Variants in ACADS observed in about 807,000 individuals in gnomAD.
The protein encoded by ACADS is short-chain specific acyl-CoA dehydrogenase, mitochondrial.
ACADS carries 28 observed loss-of-function variants against 46.8 expected under a neutral mutation model. The ratio of observed to expected loss-of-function variants is 0.60; its 90% CI spans 0.44 to 0.82. The LOEUF is 0.82. Among genes scored for constraint, ACADS ranks in the 40% least tolerant of loss-of-function variants. The probability of loss-of-function intolerance (pLI) is 0.00; values close to 1 mark genes in which losing one functional copy is unlikely to be tolerated. For missense variants in ACADS, 528 were observed against 578.0 expected, an observed-to-expected ratio of 0.91 and a Z score of 0.89; for synonymous variants, 236 against 237.7, an observed-to-expected ratio of 0.99 and a Z score of 0.07.
Position 120,730,600 on chromosome 12 carries a change from A to G in ACADS, c.210+3411A>G, listed in dbSNP as rs1883218197. On this transcript the variant is annotated intron_variant, in intron 2 of 9. Transcript: ENST00000242592. ...CACCCTCATTCTGCTACCTGTCGGG[A>G]CGTGTGACCAAGCATTTTAGGTGAG... Among the ~76,000 whole-genome samples, 3 of 152,232 alleles carry G rather than the reference A, an allele frequency of 2.0e-5. No homozygotes were observed. In the South Asian group the frequency reaches 6.2e-4, roughly 32 times the overall value.
At position 120,738,629 on chromosome 12, in the gene ACADS, A is replaced by G; in HGVS notation, c.892A>G (p.Met298Val). 6.2e-7 allele frequency: 1 copy of G among 1,613,108 alleles called. No individual in the cohort carries two copies. Among genetic ancestry groups the G allele is most frequent in the Non-Finnish European group, 8.5e-7 (1 of 1,180,016 alleles). ...TGCTGTGAACTACGCTGAGAATCGC[A>G]TGGCCTTCGGGGCGCCCCTCACCAA... is the stretch of plus-strand genomic sequence containing the variant. The part of the protein sequence containing the change: ...DCAVNYAENR[M>V]AFGAPLTKLQ... Residue 298 changes from methionine to valine, a missense_variant, in exon 7 of 10, where the codon ATG becomes GTG. Transcript: ENST00000242592.
At position 120,728,651 on chromosome 12, in the gene ACADS, C is replaced by G. The variant is rs912792295; in HGVS notation, c.210+1462C>G. Reference sequence around the variant, plus strand: ...CCTCCCGAGTAGCTGGGATTACAGGCGCACACCACCATACCCGGCTAATTT... The same window carrying G: ...CCTCCCGAGTAGCTGGGATTACAGGGGCACACCACCATACCCGGCTAATTT... On this transcript the variant is annotated intron_variant, in intron 2 of 9. Coordinates refer to ENST00000242592, the MANE Select transcript of ACADS (RefSeq NM_000017.4). This position sits in a 1 kb window ranked among gnomAD's most constrained non-coding sequence, Gnocchi z 4.0. Among the ~76,000 whole-genome samples, 2 of 151,690 alleles carry G rather than the reference C, an allele frequency of 1.3e-5. No homozygotes were observed. Among genetic ancestry groups the G allele is most frequent in the Admixed American group, 1.3e-4 (2 of 15,214 alleles).
chr12:120,737,351 C>T lies in ACADS; in HGVS notation c.361-5C>T. The T allele has an allele frequency of 6.2e-7, 1 of 1,613,566 alleles. No homozygotes were observed. The highest frequency in any genetic ancestry group is 8.5e-7 in the Non-Finnish European group (1 of 1,179,798). ...GCCTCCGACCGCTCCCCGCTGTCCTCCTAGTCTCTCTACCTGGGGCCCATC... is the reference window on the plus strand; with the variant it reads ...GCCTCCGACCGCTCCCCGCTGTCCTTCTAGTCTCTCTACCTGGGGCCCATC... On this transcript the variant is annotated splice_region_variant and splice_polypyrimidine_tract_variant and intron_variant, in intron 3 of 9. Coordinates refer to ENST00000242592, the MANE Select transcript of ACADS (RefSeq NM_000017.4).
At position 120,727,119 on chromosome 12, in the gene ACADS, A is replaced by G. The variant is rs779545943; in HGVS notation, c.140A>G (p.Asp47Gly). 2 of 1,614,114 alleles carry G rather than the reference A, an allele frequency of 1.2e-6. No homozygotes were observed. The highest frequency in any genetic ancestry group is 1.3e-5 in the African/African-American group (1 of 75,034). Reference sequence around the variant, plus strand: ...CAGATGTTGCTCCAGACATGCCGGGACTTTGCCGAGAAGGAGTTGTTTCCC... The same window carrying G: ...CAGATGTTGCTCCAGACATGCCGGGGCTTTGCCGAGAAGGAGTTGTTTCCC... ...THQMLLQTCR[D>G]FAEKELFPIA... Residue 47 changes from aspartate (D) to glycine (G), a missense_variant, in exon 2 of 10, where the codon GAC (aspartate) becomes GGC (glycine). Physicochemically the swap from Asp to Gly is moderately conservative, Grantham distance 94. Coordinates refer to ENST00000242592, the MANE Select transcript of ACADS (RefSeq NM_000017.4).
intron 8 of ACADS, 21 bp downstream of exon 8, chr12:120,738,936 G>A: frequency 1.2e-6 from 2 of 1,612,900 alleles, no homozygotes; most frequent in Non-Finnish European, 1.7e-6. Flanking sequence ...GGGTCCCCGA[G>A]CCATGGCCCA....
At chr12:120,737,809 G>A in intron 4 of ACADS, 28 bp from the exon 5 acceptor site, 1 of 1,613,540 alleles carries the variant, frequency 6.2e-7, no homozygotes. Flanking sequence ...GGTGGGGCGT[G>A]CGCTGAGCCC....
intron 8 of ACADS, 53 bp downstream of exon 8, chr12:120,738,968 G>C: frequency 6.2e-7 from 1 of 1,607,196 alleles, no homozygotes; most frequent in Non-Finnish European, 8.5e-7. Context: ...GCCCAGGGAC[G>C]GGGAGAGGTT....
In ACADS at chr12:120,728,484, T is replaced by TA. The variant is rs397726831; in HGVS notation, c.210+1297dup. On this transcript the variant is annotated intron_variant, in intron 2 of 9. Transcript: ENST00000242592. The surrounding 1 kb of genome is among the most constrained non-coding windows in gnomAD (Gnocchi z 4.0). ...TCTTCTCCTTGCCTGTTTTTTTTTT[T>TA]AATTTTAATTTTAATTTATTTTTTA... is the stretch of plus-strand genomic sequence containing the variant. Among the ~76,000 whole-genome samples, 1 of 150,612 alleles carries TA rather than the reference T, an allele frequency of 6.6e-6. No homozygotes were observed. Among genetic ancestry groups the TA allele is most frequent in the Non-Finnish European group, 1.5e-5 (1 of 67,706 alleles).
At chr12:120,739,254 C>A (rs769675520) in intron 9 of ACADS, 42 bp from the exon 10 acceptor site, 2 of 1,612,946 alleles carry the variant, frequency 1.2e-6, no homozygotes, top group Non-Finnish European at 1.7e-6. Flanking sequence ...GCTTTCCCCA[C>A]GCCGGGGTCT....
At chr12:120,733,929 A>G (rs1031787160) in intron 2 of ACADS, among the ~76,000 whole-genome samples, 2 of 151,972 alleles carry the variant, frequency 1.3e-5, no homozygotes, top group Non-Finnish European at 2.9e-5. Context: ...GAGTTACTCA[A>G]CCCGAGTCAG....
At chr12:120,732,427 G>A (rs1883280209) in intron 2 of ACADS, among the ~76,000 whole-genome samples, 1 of 151,420 alleles carries the variant, frequency 6.6e-6, no homozygotes, top group South Asian at 2.1e-4. Context: ...TCACTTCTCA[G>A]ACGGGGTGGC....
In ACADS at chr12:120,728,762, C is replaced by T. The variant is rs746060863; in HGVS notation, c.210+1573C>T. 4.0e-5 allele frequency among the ~76,000 whole-genome samples: 6 copies of T among 151,714 alleles called. No homozygotes were observed. The highest frequency in any genetic ancestry group is 8.8e-5 in the Non-Finnish European group (6 of 67,928). On this transcript the variant is annotated intron_variant, in intron 2 of 9. Transcript: ENST00000242592. This position sits in a 1 kb window ranked among gnomAD's most constrained non-coding sequence, Gnocchi z 4.0. ...GCTCAGGCAATCCACCCGCCTCGGC[C>T]TCGCAAAGTGCTGGGATTACAGGCG...
chr12:120,731,547 T>G (rs1883247687), intron 2 of ACADS, among the ~76,000 whole-genome samples: 1 of 151,584 alleles, frequency 6.6e-6, no homozygotes, highest in Admixed American at 6.6e-5. Context: ...CTCCACCTCC[T>G]GGGTACAAAT....
In ACADS at chr12:120,736,997, G is replaced by C; in HGVS notation, c.222G>C (p.Met74Ile). ...HLFPAAQVKKMGGLGLLAMDV... is the reference protein window; with the variant it reads ...HLFPAAQVKKIGGLGLLAMDV... ...TTCCCTGTGCCCAGGTGAAGAAGAT[G>C]GGCGGGCTTGGGCTTCTGGCCATGG... is the stretch of plus-strand genomic sequence containing the variant. The change falls in exon 3 of 10, where the codon ATG (methionine) becomes ATC (isoleucine). Residue 74 changes from methionine (M) to isoleucine (I), a missense_variant. Transcript: ENST00000242592. 1 of 1,608,926 alleles carries C rather than the reference G, an allele frequency of 6.2e-7. No homozygotes were observed. The highest frequency in any genetic ancestry group is 8.5e-7 in the Non-Finnish European group (1 of 1,178,186).
At chr12:120,726,616 G>A (rs1037637469) in intron 1 of ACADS, among the ~76,000 whole-genome samples, 4 of 152,210 alleles carry the variant, frequency 2.6e-5, no homozygotes, top group Admixed American at 6.5e-5. Context: ...TTATAGAAAC[G>A]GAGGCTCACT....
intron 1 of ACADS, 66 bp downstream of exon 1, chr12:120,725,997 T>C: frequency 6.9e-7 from 1 of 1,455,240 alleles, no homozygotes; most frequent in Non-Finnish European, 9.1e-7. Context: ...GCGGAGGTCC[T>C]GGCGGCCGGC....
intron 2 of ACADS, among the ~76,000 whole-genome samples, chr12:120,730,435 G>A (rs1218077341): frequency 6.6e-6 from 1 of 152,158 alleles, no homozygotes; most frequent in African/African-American, 2.4e-5. Context: ...GAGAAGTGTC[G>A]CATTAGTCAG....
At chr12:120,734,473 C>T (rs1229935538) in intron 2 of ACADS, among the ~76,000 whole-genome samples, 1 of 152,204 alleles carries the variant, frequency 6.6e-6, no homozygotes, top group Non-Finnish European at 1.5e-5. Flanking sequence ...CGCTCCGCCC[C>T]GCACTTAGAG....
At chr12:120,735,664 G>A (rs1252351061) in intron 2 of ACADS, among the ~76,000 whole-genome samples, 1 of 152,128 alleles carries the variant, frequency 6.6e-6, no homozygotes, top group Non-Finnish European at 1.5e-5. Context: ...ACTTTGGGAG[G>A]CCGAGGTGGG....
Sources: allele counts gnomAD v4.1 joint callset (sites outside exome capture counted in the v4.1 genomes callset), GRCh38; gene constraint gnomAD v4.1.1; non-coding constraint Gnocchi (gnomAD v3.1); transcripts MANE v1.5; gene names NCBI Gene and HGNC (gene_info 2026-07-23, HGNC 2026-07-21).